Variants in PCCA observed in about 807,000 individuals in gnomAD.
PCCA encodes the protein propionyl-CoA carboxylase alpha chain, mitochondrial.
A neutral mutation model predicts 101.3 loss-of-function variants in PCCA; 74 were observed. The observed-to-expected ratio is 0.73, with a 90% CI of 0.61 to 0.89. The LOEUF (loss-of-function observed/expected upper bound fraction) is 0.89, where lower values mean the gene tolerates loss of function less well. PCCA is among the 40% of genes least tolerant of loss of function. The pLI, the probability that PCCA is intolerant of heterozygous loss-of-function variation, is 0.00. For synonymous variants in PCCA, 294 were observed against 313.6 expected (o/e 0.94, Z 0.66); for missense variants, 891 against 907.0 (o/e 0.98, Z 0.23).
chr13:100,437,033 AC>A lies in PCCA; in HGVS notation c.1845+11304del, dbSNP rs144405007. ...TTGGCCTCTGTTTGCTCTGGGTAGC[AC>A]CTCGGCTGTTTTAGGCCCACAGTAT... On this transcript the variant is annotated intron_variant, in intron 20 of 23. Transcript: ENST00000376285. Among the ~76,000 whole-genome samples, 732 of 152,262 alleles carry A rather than the reference AC, an allele frequency of 4.8e-3. 6 individuals are homozygous for A. The highest frequency in any genetic ancestry group is 0.017 in the African/African-American group (692 of 41,562).
At chr13:100,421,317 C>A (rs2078734852) in intron 19 of PCCA, among the ~76,000 whole-genome samples, 1 of 152,184 alleles carries the variant, frequency 6.6e-6, no homozygotes, top group South Asian at 2.1e-4. Context: ...CTCAGCTATT[C>A]TGTCGCTCTT....
chr13:100,443,004 T>C (rs1392332005), intron 20 of PCCA, among the ~76,000 whole-genome samples: 1 of 152,134 alleles, frequency 6.6e-6, no homozygotes, highest in East Asian at 1.9e-4. Flanking sequence ...TTTTGTGTTG[T>C]TTCTTTCTAT....
At chr13:100,246,528 A>G (rs567113851) in intron 8 of PCCA, among the ~76,000 whole-genome samples, 4 of 152,014 alleles carry the variant, frequency 2.6e-5, no homozygotes, top group African/African-American at 9.7e-5. Flanking sequence ...GGGTTTTGCC[A>G]TGTTGCCCAG....
At chr13:100,393,030 C>T (rs901340359) in intron 19 of PCCA, among the ~76,000 whole-genome samples, 4 of 152,124 alleles carry the variant, frequency 2.6e-5, no homozygotes, top group Non-Finnish European at 1.5e-5. Flanking sequence ...AGGTCTTCTG[C>T]CATGGGAAGA....
Position 100,444,773 on chromosome 13 carries a change from G to A in PCCA, c.1846-4479G>A, listed in dbSNP as rs139979408. Among the ~76,000 whole-genome samples the A allele has an allele frequency of 8.6e-3, 1,315 of 152,078 alleles. 15 individuals are homozygous for A. The highest frequency in any genetic ancestry group is 0.03 in the African/African-American group (1,233 of 41,498). On this transcript the variant is annotated intron_variant, in intron 20 of 23. Coordinates refer to ENST00000376285, the MANE Select transcript of PCCA (RefSeq NM_000282.4). ...ACTTCTGACCTCAAGCAATCTGCCC[G>A]CCTCGGTCTCCCAAAGTGCTGGGAT...
rs560278111 is a variant in PCCA, at chr13:100,124,882, G to A, written c.300+12821G>A. Among the ~76,000 whole-genome samples the A allele has an allele frequency of 1.1e-4, 17 of 152,180 alleles. No homozygotes were observed. The South Asian group carries it at 3.3e-3, about 30-fold the overall frequency. ...ACCTTAGATGTATATAGAGATGAAA[G>A]CAACTTAAATGTGAAAACCTCAAAC... is the stretch of plus-strand genomic sequence containing the variant. On this transcript the variant is annotated intron_variant, in intron 4 of 23. Coordinates refer to ENST00000376285, the MANE Select transcript of PCCA (RefSeq NM_000282.4).
At chr13:100,430,202 G>C (rs1334421815) in intron 20 of PCCA, among the ~76,000 whole-genome samples, 1 of 152,084 alleles carries the variant, frequency 6.6e-6, no homozygotes, top group Non-Finnish European at 1.5e-5. Flanking sequence ...TTGAACCCGG[G>C]TTGTGGTGAG....
intron 6 of PCCA, among the ~76,000 whole-genome samples, chr13:100,184,162 AAG>A (rs2057043820): frequency 6.6e-6 from 1 of 152,132 alleles, no homozygotes; most frequent in Non-Finnish European, 1.5e-5. Context: ...GAGCAGGACT[AAG>A]AGAGAGAGGG....
At chr13:100,457,022 G>A (rs2081789436) in intron 21 of PCCA, among the ~76,000 whole-genome samples, 1 of 152,166 alleles carries the variant, frequency 6.6e-6, no homozygotes, top group African/African-American at 2.4e-5. Context: ...GTGCCCTCAT[G>A]CGGGCGTGAC....
chr13:100,150,864 C>G, intron 4 of PCCA: 1 of 1,573,612 alleles, frequency 6.4e-7, no homozygotes, highest in Non-Finnish European at 8.7e-7. Context: ...TAAGTTGCAC[C>G]CTTAGGAACT....
intron 18 of PCCA, among the ~76,000 whole-genome samples, chr13:100,348,745 TTTC>T (rs2072693360): frequency 2.4e-5 from 1 of 42,550 alleles, no homozygotes; most frequent in Non-Finnish European, 5.0e-5. Flanking sequence ...TCTTTCTTTC[TTTC>T]TTTCTTTCTT....
chr13:100,456,845 G>C (rs910754160), intron 21 of PCCA, among the ~76,000 whole-genome samples: 5 of 152,162 alleles, frequency 3.3e-5, no homozygotes, highest in Non-Finnish European at 7.4e-5. Flanking sequence ...ACAGGGAGGG[G>C]TTTAGGACTC....
intron 8 of PCCA, among the ~76,000 whole-genome samples, chr13:100,242,930 T>G (rs1034404985): frequency 6.6e-6 from 1 of 152,210 alleles, no homozygotes; most frequent in African/African-American, 2.4e-5. Flanking sequence ...AGAGTCTCAT[T>G]CTGTTGCCCA....
At chr13:100,422,312 T>A (rs1159330918) in intron 19 of PCCA, among the ~76,000 whole-genome samples, 1 of 151,628 alleles carries the variant, frequency 6.6e-6, no homozygotes, top group Non-Finnish European at 1.5e-5. Flanking sequence ...TAAAAAAAAT[T>A]TTTTTTGTAG....
intron 19 of PCCA, among the ~76,000 whole-genome samples, chr13:100,398,301 A>G (rs1002004620): frequency 3.9e-5 from 6 of 152,226 alleles, no homozygotes; most frequent in African/African-American, 9.6e-5. Flanking sequence ...TGGGTTTTAA[A>G]TGATCATATA....
Position 100,339,134 on chromosome 13 carries a change from T to C in PCCA, c.1541-1023T>C, listed in dbSNP as rs574783536. On this transcript the variant is annotated intron_variant, in intron 17 of 23. Transcript: ENST00000376285. The stretch of plus-strand genomic sequence containing the variant: ...CATATCCTCCCTGCACTTTAAATCA[T>C]CTCTAGGTTACTTATAATGCGTAGT... Among the ~76,000 whole-genome samples the C allele has an allele frequency of 4.6e-5, 7 of 152,256 alleles. No individual in the cohort carries two copies. The South Asian group carries it at 1.5e-3, about 32-fold the overall frequency.
chr13:100,280,662 C>A (rs565379246), intron 12 of PCCA, among the ~76,000 whole-genome samples: 40 of 152,296 alleles, frequency 2.6e-4, no homozygotes, highest in African/African-American at 7.5e-4. Flanking sequence ...GAAGTGTATT[C>A]TAGTAGTCCC....
At chr13:100,092,211 C>G (rs1467877830) in intron 1 of PCCA, among the ~76,000 whole-genome samples, 2 of 152,026 alleles carry the variant, frequency 1.3e-5, no homozygotes. Flanking sequence ...CCACCGAGCC[C>G]AATGGTGTGA....
At chr13:100,373,926 A>C (rs1266835936) in intron 19 of PCCA, among the ~76,000 whole-genome samples, 1 of 152,136 alleles carries the variant, frequency 6.6e-6, no homozygotes, top group Non-Finnish European at 1.5e-5. Context: ...AGCCTGGCCA[A>C]CATAGTGAAA....
Sources: gnomAD v4.1 joint callset for allele counts (sites outside exome capture counted in the v4.1 genomes callset) on GRCh38, gnomAD v4.1.1 for gene constraint, MANE v1.5 for transcripts, NCBI Gene and HGNC (gene_info 2026-07-23, HGNC 2026-07-21) for gene names.